EXOC4: variants seen among roughly 807,000 people sequenced by gnomAD.
The protein encoded by EXOC4 is SEC8-like 1.
A neutral mutation model predicts 107.2 loss-of-function variants in EXOC4; 71 were observed. The observed-to-expected ratio is 0.66, with a 90% CI of 0.55 to 0.81. EXOC4 has a LOEUF of 0.81. EXOC4 is among the 30% of genes least tolerant of loss of function. EXOC4 has a pLI of 0.00. For synonymous variants in EXOC4, 456 were observed against 441.2 expected, an observed-to-expected ratio of 1.03 and a Z score of -0.42; for missense variants, 1,108 against 1,189.6, an observed-to-expected ratio of 0.93 and a Z score of 1.01.
At chr7:133,755,904 C>T (rs1285747424) in intron 10 of EXOC4, among the ~76,000 whole-genome samples, 2 of 152,144 alleles carry the variant, frequency 1.3e-5, no homozygotes, top group Admixed American at 6.5e-5. Flanking sequence ...TCTTCATCCT[C>T]CATGACTTAG....
intron 4 of EXOC4, among the ~76,000 whole-genome samples, chr7:133,313,863 C>T (rs1794931161): frequency 6.6e-6 from 1 of 152,088 alleles, no homozygotes; most frequent in Non-Finnish European, 1.5e-5. Context: ...AAAATGCATT[C>T]AGTCACAATA....
chr7:133,391,502 C>T (rs904604959), intron 7 of EXOC4, among the ~76,000 whole-genome samples: 4 of 152,080 alleles, frequency 2.6e-5, no homozygotes, highest in African/African-American at 4.8e-5. Context: ...AGGACACGTG[C>T]GTACTGGAAG....
intron 10 of EXOC4, among the ~76,000 whole-genome samples, chr7:133,798,794 A>G (rs1326714296): frequency 6.7e-6 from 1 of 149,124 alleles, no homozygotes; most frequent in East Asian, 2.0e-4. Context: ...GAAAGACAAA[A>G]AAAAATAAAA....
chr7:134,080,709 G>A, the EXOC4 span, among the ~76,000 whole-genome samples: 5 of 152,036 alleles, frequency 3.3e-5, no homozygotes, highest in East Asian at 3.9e-4. Flanking sequence ...TTGGGAGGCC[G>A]AGACAGGGTT....
At chr7:133,968,698 G>A (rs2116864634) in intron 14 of EXOC4, among the ~76,000 whole-genome samples, 1 of 152,188 alleles carries the variant, frequency 6.6e-6, no homozygotes, top group South Asian at 2.1e-4. Context: ...TTGGGTTGCT[G>A]CGGAGAGATC....
chr7:133,563,540 A>T (rs1800849102), intron 9 of EXOC4, among the ~76,000 whole-genome samples: 1 of 152,216 alleles, frequency 6.6e-6, no homozygotes, highest in Non-Finnish European at 1.5e-5. Context: ...AAAGACAAGG[A>T]TGCTTATCTG....
intron 7 of EXOC4, among the ~76,000 whole-genome samples, chr7:133,405,664 C>T (rs938197531): frequency 1.3e-5 from 2 of 152,092 alleles, no homozygotes. Flanking sequence ...TGTACCAAAC[C>T]TTATATACAC....
At chr7:133,919,704 ATTT>A (rs1471821850) in intron 13 of EXOC4, among the ~76,000 whole-genome samples, 4 of 151,856 alleles carry the variant, frequency 2.6e-5, no homozygotes, top group African/African-American at 9.7e-5. Flanking sequence ...TGGTTTTTTT[ATTT>A]TGTGGTATTA....
intron 9 of EXOC4, among the ~76,000 whole-genome samples, chr7:133,611,125 G>T (rs535868828): frequency 8.6e-5 from 13 of 151,994 alleles, no homozygotes; most frequent in African/African-American, 2.4e-4. Context: ...TTTAATGAGA[G>T]AATTGTGAGA....
chr7:133,368,478 A>T lies in EXOC4; in HGVS notation c.1008-6350A>T, dbSNP rs749516072. Among the ~76,000 whole-genome samples the T allele has an allele frequency of 2.0e-5, 3 of 152,134 alleles. 1 individual carries two copies. On this transcript the variant is annotated intron_variant, in intron 6 of 17. Transcript: ENST00000253861. The stretch of plus-strand genomic sequence containing the variant: ...TATTATCTCCTTTCCTTCCCTCTAG[A>T]TGGTAAATGTTAAAGATACAGGAAT...
At chr7:133,898,351 G>A (rs1799369058) in intron 12 of EXOC4, among the ~76,000 whole-genome samples, 1 of 151,966 alleles carries the variant, frequency 6.6e-6, no homozygotes, top group Non-Finnish European at 1.5e-5. Context: ...GGAATTTCTG[G>A]GCCATTAGAG....
chr7:133,301,706 T>C (rs539729554), intron 3 of EXOC4, among the ~76,000 whole-genome samples: 67 of 152,342 alleles, frequency 4.4e-4, no homozygotes, highest in South Asian at 4.1e-3. Flanking sequence ...TTTTTTGGCT[T>C]GAACCTTATT....
chr7:134,025,742 T>TG (rs935647660), intron 17 of EXOC4, among the ~76,000 whole-genome samples: 1 of 152,238 alleles, frequency 6.6e-6, no homozygotes, highest in Admixed American at 6.5e-5. Flanking sequence ...AGGGTAGGCA[T>TG]ACCTCTTACA....
At chr7:133,925,771 A>ATT (rs1800036292) in intron 13 of EXOC4, among the ~76,000 whole-genome samples, 1 of 151,968 alleles carries the variant, frequency 6.6e-6, no homozygotes, top group Non-Finnish European at 1.5e-5. Flanking sequence ...AAGAATTAAG[A>ATT]TTGTGCCTGT....
chr7:133,525,860 G>C (rs1800068534), intron 9 of EXOC4, among the ~76,000 whole-genome samples: 1 of 152,180 alleles, frequency 6.6e-6, no homozygotes, highest in Non-Finnish European at 1.5e-5. Flanking sequence ...GTAGAGGTTA[G>C]TGAAATAAAA....
At chr7:133,685,510 T>G (rs1794278218) in intron 10 of EXOC4, among the ~76,000 whole-genome samples, 1 of 152,182 alleles carries the variant, frequency 6.6e-6, no homozygotes, top group Non-Finnish European at 1.5e-5. Context: ...CAGTTTTTTA[T>G]AGTAGTATGA....
chr7:133,952,463 A>C (rs1242707426), intron 14 of EXOC4, among the ~76,000 whole-genome samples: 1 of 152,202 alleles, frequency 6.6e-6, no homozygotes, highest in Non-Finnish European at 1.5e-5. Context: ...CTAGGATCTT[A>C]GGAGTGTTAG....
intron 4 of EXOC4, among the ~76,000 whole-genome samples, chr7:133,308,220 A>G (rs929850798): frequency 6.6e-6 from 1 of 152,208 alleles, no homozygotes; most frequent in Non-Finnish European, 1.5e-5. Flanking sequence ...TCACACTAAA[A>G]TGATAGTGTT....
chr7:133,311,441 G>A (rs1794869194), intron 4 of EXOC4, among the ~76,000 whole-genome samples: 1 of 152,092 alleles, frequency 6.6e-6, no homozygotes, highest in African/African-American at 2.4e-5. Context: ...GTTCAGCTGG[G>A]GGGTAATGAA....
Sources: gnomAD v4.1 joint callset for allele counts (sites outside exome capture counted in the v4.1 genomes callset) on GRCh38, gnomAD v4.1.1 for gene constraint, MANE v1.5 for transcripts, NCBI Gene and HGNC (gene_info 2026-07-23, HGNC 2026-07-21) for gene names.